The following ZSCAN26 variants were observed in gnomAD, a reference collection of about 807,000 sequenced individuals.
ZSCAN26 encodes the protein zinc finger and SCAN domain-containing protein 26.
A neutral mutation model predicts 23.0 loss-of-function variants in ZSCAN26; 26 were observed. The ratio of observed to expected loss-of-function variants is 1.13; its 90% CI spans 0.83 to 1.57. The LOEUF is 1.57. Ranked by LOEUF, ZSCAN26 falls within the 40% of genes most tolerant of loss-of-function variation. The probability of loss-of-function intolerance (pLI) is 0.00; values close to 1 mark genes in which losing one functional copy is unlikely to be tolerated. For synonymous variants in ZSCAN26, 180 were observed against 202.5 expected, an observed-to-expected ratio of 0.89 and a Z score of 0.94; for missense variants, 528 against 568.5, an observed-to-expected ratio of 0.93 and a Z score of 0.72.
At chr6:28,274,928 C>T (rs78765006) in intron 3 of ZSCAN26, among the ~76,000 whole-genome samples, 5,691 of 152,200 alleles carry the variant, frequency 0.037, 264 homozygotes, top group African/African-American at 0.11. Flanking sequence ...TAATCTCTCA[C>T]TCTTGCCCCC....
At chr6:28,275,234 C>T (rs1761884760) in intron 3 of ZSCAN26, among the ~76,000 whole-genome samples, 1 of 152,188 alleles carries the variant, frequency 6.6e-6, no homozygotes, top group Non-Finnish European at 1.5e-5. Context: ...CTCATTCTGA[C>T]TTTGCATCCC....
chr6:28,276,416 C>T lies in ZSCAN26; in HGVS notation c.760C>T (p.His254Tyr), dbSNP rs374449641. 28 of 1,613,852 alleles carry T rather than the reference C, an allele frequency of 1.7e-5. No individual in the cohort carries two copies. The highest frequency in any genetic ancestry group is 2.4e-5 in the Non-Finnish European group (28 of 1,179,866). Residue 254 changes from histidine (H) to tyrosine (Y), a missense_variant, in exon 4 of 4, where the codon CAC becomes TAC. Physicochemically the swap from His to Tyr is moderately conservative, Grantham distance 83. Coordinates refer to ENST00000421553, the MANE Select transcript of ZSCAN26 (RefSeq NM_001023560.4). The stretch of plus-strand genomic sequence containing the variant: ...GGACCTGATTGAACATGCGAGTACA[C>T]ACACGGGAAAGAAACTCTGCGAGTC... ...HLDLIEHAST[H>Y]TGKKLCESDV...
chr6:28,272,644 GC>G (rs1761747145), intron 2 of ZSCAN26, 25 bp from the exon 3 acceptor site: 1 of 1,539,590 alleles, frequency 6.5e-7, no homozygotes, highest in South Asian at 1.2e-5. Context: ...ATCTAATTAT[GC>G]CTCCATATAC....
chr6:28,277,069 A>T lies in ZSCAN26; in HGVS notation c.1413A>T (p.Arg471Ser), dbSNP rs529692636. 21 of 1,613,566 alleles carry T rather than the reference A, an allele frequency of 1.3e-5. No individual in the cohort carries two copies. The highest frequency in any genetic ancestry group is 1.1e-4 in the South Asian group (10 of 91,042). The stretch of plus-strand genomic sequence containing the variant: ...GGTCAGGTCTTTTTCAACATCAGAG[A>T]TATCACCACAAAGACAAACTGGCTT... Reference protein sequence around the residue: ...RQRSGLFQHQRYHHKDKLA With the variant: ...RQRSGLFQHQSYHHKDKLA The change falls in exon 4 of 4, where the codon AGA (arginine) becomes AGT (serine). Residue 471 changes from arginine (R) to serine (S), a missense_variant. Arg to Ser is a moderately radical substitution (Grantham distance 110). Coordinates refer to ENST00000421553, the MANE Select transcript of ZSCAN26 (RefSeq NM_001023560.4).
chr6:28,273,554 AC>A (rs1053959295), intron 3 of ZSCAN26, among the ~76,000 whole-genome samples: 15 of 142,548 alleles, frequency 1.1e-4, no homozygotes, highest in Non-Finnish European at 1.7e-4. Context: ...AAACAAACAA[AC>A]AAAAAAAAAA....
chr6:28,274,434 A>G (rs1185470338), intron 3 of ZSCAN26, among the ~76,000 whole-genome samples: 2 of 152,234 alleles, frequency 1.3e-5, no homozygotes, highest in African/African-American at 2.4e-5. Flanking sequence ...TTACCATGTA[A>G]TCAGTGATGG....
Position 28,272,286 on chromosome 6 carries a change from G to T in ZSCAN26, c.367G>T (p.Val123Phe). 6.3e-7 allele frequency: 1 copy of T among 1,593,488 alleles called. No individual in the cohort carries two copies. The highest frequency in any genetic ancestry group is 1.8e-5 in the Admixed American group (1 of 56,216). ...TCACCCAGAGAGCAGGGAGGACGTGGTTGTTGTTCTGGAGGATTTGCAGCT... is the reference window on the plus strand; with the variant it reads ...TCACCCAGAGAGCAGGGAGGACGTGTTTGTTGTTCTGGAGGATTTGCAGCT... ...EHHPESREDVVVVLEDLQLDL... is the reference protein window; with the variant it reads ...EHHPESREDVFVVLEDLQLDL... Residue 123 changes from valine (V) to phenylalanine (F), a missense_variant, in exon 2 of 4, where the codon GTT becomes TTT. Val to Phe is a conservative substitution (Grantham distance 50, BLOSUM62 -1). Transcript: ENST00000421553.
At position 28,276,265 on chromosome 6, in the gene ZSCAN26, TG is replaced by T; in HGVS notation, c.612del (p.Ile206TyrfsTer42). ...TDSCGRVESS[G>X]KISEPMEAHN... ...ACTCTTGTGGAAGAGTAGAGTCATC[TG>T]GGAAAATATCTGAACCCATGGAGGC... On this transcript the variant is annotated frameshift_variant, in exon 4 of 4. Transcript: ENST00000421553. LOFTEE classifies it low-confidence loss of function (END_TRUNC). The T allele has an allele frequency of 1.2e-6, 2 of 1,614,000 alleles. No individual in the cohort carries two copies. The highest frequency in any genetic ancestry group is 1.7e-6 in the Non-Finnish European group (2 of 1,179,878).
chr6:28,277,017 G>A lies in ZSCAN26; in HGVS notation c.1361G>A (p.Ser454Asn). The A allele has an allele frequency of 2.5e-6, 4 of 1,614,026 alleles. No homozygotes were observed. The highest frequency in any genetic ancestry group is 3.4e-6 in the Non-Finnish European group (4 of 1,179,880). The change falls in exon 4 of 4, where the codon AGT becomes AAT. Residue 454 changes from serine to asparagine, a missense_variant. Ser to Asn is a conservative substitution (Grantham distance 46). Coordinates refer to ENST00000421553, the MANE Select transcript of ZSCAN26 (RefSeq NM_001023560.4). ...AATGAAGAAAAACCCTATCAGTGTA[G>A]TGAATGTGGAGAAGCCTTCAGGCAA... ...IHNEEKPYQCSECGEAFRQRS... is the reference protein window; with the variant it reads ...IHNEEKPYQCNECGEAFRQRS...
chr6:28,276,570 A>G lies in ZSCAN26; in HGVS notation c.914A>G (p.His305Arg). The change falls in exon 4 of 4, where the codon CAT becomes CGT. Residue 305 changes from histidine to arginine, a missense_variant. Transcript: ENST00000421553. ...SSHLVRHQKI[H>R]LGEKPYQCNE... ...CACCTCGTCAGACATCAGAAAATCC[A>G]TCTTGGTGAGAAGCCTTATCAGTGC... 1 of 1,613,370 alleles carries G rather than the reference A, an allele frequency of 6.2e-7. No individual in the cohort carries two copies. The highest frequency in any genetic ancestry group is 8.5e-7 in the Non-Finnish European group (1 of 1,179,606).
At chr6:28,272,610 C>T in intron 2 of ZSCAN26, 60 bp from the exon 3 acceptor site, 2 of 1,372,374 alleles carry the variant, frequency 1.5e-6, no homozygotes, top group Non-Finnish European at 2.0e-6. Flanking sequence ...TTTTACTGAA[C>T]AGCAGTTTCC....
rs770612647 is a variant in ZSCAN26, at chr6:28,276,471, G to A, written c.815G>A (p.Gly272Glu). Residue 272 changes from glycine (G) to glutamate (E), a missense_variant, in exon 4 of 4, where the codon GGA becomes GAA. Physicochemically the swap from Gly to Glu is moderately conservative, Grantham distance 98. Coordinates refer to ENST00000421553, the MANE Select transcript of ZSCAN26 (RefSeq NM_001023560.4). ...SDVCQSSSLT[G>E]HKKVLSREKG... ...GTGTGTCAGAGTTCCAGTCTTACAGGACATAAGAAAGTCCTCTCTAGAGAG... is the reference window on the plus strand; with the variant it reads ...GTGTGTCAGAGTTCCAGTCTTACAGAACATAAGAAAGTCCTCTCTAGAGAG... 1 of 1,613,930 alleles carries A rather than the reference G, an allele frequency of 6.2e-7. No homozygotes were observed. Among genetic ancestry groups the A allele is most frequent in the East Asian group, 2.2e-5 (1 of 44,882 alleles).
intron 3 of ZSCAN26, among the ~76,000 whole-genome samples, chr6:28,275,183 GTCTT>G (rs776299304): frequency 1.3e-5 from 2 of 152,106 alleles, no homozygotes; most frequent in Non-Finnish European, 2.9e-5. Context: ...GCTGCTTAGA[GTCTT>G]TCTTCTATTT....
Position 28,271,934 on chromosome 6 carries a change from G to C in ZSCAN26, c.15G>C (p.Leu5Phe), listed in dbSNP as rs1334683237. Residue 5 changes from leucine (L) to phenylalanine (F), a missense_variant, in exon 2 of 4, where the codon TTG becomes TTC. Coordinates refer to ENST00000421553, the MANE Select transcript of ZSCAN26 (RefSeq NM_001023560.4). The part of the protein sequence containing the change: MATA[L>F]VSAHSLAPLN... Reference sequence around the variant, plus strand: ...TGAAGCTGGGGATGGCAACAGCATTGGTGAGTGCCCATTCCCTGGCTCCCC... The same window carrying C: ...TGAAGCTGGGGATGGCAACAGCATTCGTGAGTGCCCATTCCCTGGCTCCCC... 6.4e-7 allele frequency: 1 copy of C among 1,551,112 alleles called. No homozygotes were observed. The highest frequency in any genetic ancestry group is 1.4e-5 in the African/African-American group (1 of 73,042).
intron 1 of ZSCAN26, 170 bp downstream of exon 1, chr6:28,267,383 T>C (rs748062130): frequency 1.3e-5 from 2 of 152,140 alleles, no homozygotes; most frequent in African/African-American, 2.4e-5. Context: ...GCTGTGGATC[T>C]GGTAAACAGA....
At chr6:28,276,073 C>T (rs767330019) in intron 3 of ZSCAN26, 122 bp from the exon 4 acceptor site, 174 of 807,944 alleles carry the variant, frequency 2.2e-4, no homozygotes, top group Non-Finnish European at 3.1e-4. Flanking sequence ...CAATCACAAG[C>T]ATCCACAATG....
intron 1 of ZSCAN26, among the ~76,000 whole-genome samples, chr6:28,268,684 G>A (rs1361609998): frequency 2.0e-5 from 3 of 152,170 alleles, no homozygotes; most frequent in Non-Finnish European, 2.9e-5. Flanking sequence ...TATGAAAGGA[G>A]GAAGGAATGG....
chr6:28,275,587 A>G (rs2113726206), intron 3 of ZSCAN26, among the ~76,000 whole-genome samples: 1 of 152,312 alleles, frequency 6.6e-6, no homozygotes, highest in Non-Finnish European at 1.5e-5. Flanking sequence ...GCTCTGTTGA[A>G]CCACACAGGA....
intron 3 of ZSCAN26, among the ~76,000 whole-genome samples, chr6:28,273,211 T>C (rs545492911): frequency 6.6e-6 from 1 of 152,202 alleles, no homozygotes; most frequent in South Asian, 2.1e-4. Flanking sequence ...GAGCAATGAT[T>C]GTTGCACTGC....
Sources: gnomAD v4.1 joint callset for allele counts (sites outside exome capture counted in the v4.1 genomes callset) on GRCh38, gnomAD v4.1.1 for gene constraint, MANE v1.5 for transcripts, NCBI Gene and HGNC (gene_info 2026-07-23, HGNC 2026-07-21) for gene names.